The following PLXNA1 variants were observed in gnomAD, a reference collection of about 807,000 sequenced individuals.
PLXNA1 encodes plexin-A1.
Under a neutral mutation model 191.7 loss-of-function variants are expected in PLXNA1, and 77 were observed. That is an observed-to-expected ratio of 0.40 (90% CI 0.33 to 0.49). The LOEUF (loss-of-function observed/expected upper bound fraction) is 0.49, where lower values mean the gene tolerates loss of function less well. Among genes scored for constraint, PLXNA1 ranks in the 20% least tolerant of loss-of-function variants. PLXNA1 has a pLI of 0.63. For missense variants in PLXNA1, 2,110 were observed against 2,660.2 expected (o/e 0.79, Z 4.55); for synonymous variants, 1,137 against 1,156.4 (o/e 0.98, Z 0.34).
At chr3:126,987,094 A>G (rs1052191485) in intron 1 of PLXNA1, among the ~76,000 whole-genome samples, 2 of 152,222 alleles carry the variant, frequency 1.3e-5, no homozygotes, top group African/African-American at 4.8e-5. Context: ...AGGGGGTGGC[A>G]CTGCTGACTA....
intron 7 of PLXNA1, among the ~76,000 whole-genome samples, chr3:127,005,803 T>C (rs2079065636): frequency 1.3e-5 from 2 of 152,044 alleles, no homozygotes; most frequent in African/African-American, 4.8e-5. Flanking sequence ...CCACAGCCCG[T>C]TGGACAGTCG....
chr3:126,988,669 G>T lies in PLXNA1; in HGVS notation c.76G>T (p.Ala26Ser). Residue 26 changes from alanine to serine, a missense_variant, in exon 2 of 32, where the codon GCT (alanine) becomes TCT (serine). Transcript: ENST00000393409. ...LLLLLLPGMW[A>S]EAGLPRAGGG... is the part of the protein sequence containing the mutation. ...GCTGCTGCTGCTGCCGGGCATGTGG[G>T]CTGAGGCAGGCTTGCCCAGGGCAGG... is the stretch of plus-strand genomic sequence containing the variant. 6.3e-7 allele frequency: 1 copy of T among 1,578,936 alleles called. No individual in the cohort carries two copies. The highest frequency in any genetic ancestry group is 1.8e-5 in the Admixed American group (1 of 56,988).
At position 127,016,978 on chromosome 3, in the gene PLXNA1, C is replaced by T. The variant is rs1171349761; in HGVS notation, c.3217C>T (p.Leu1073=). Residue 1073 remains leucine, a synonymous_variant, in exon 17 of 32, where the codon CTG becomes TTG. Transcript: ENST00000393409. ...CCTCCTGACGGTCACAGGCACCAAC[C>T]TGGCCACTGTCCGTGAACCCCGAAT... ...GTLLTVTGTN[L]ATVREPRIRA... The T allele has an allele frequency of 1.2e-6, 2 of 1,613,360 alleles. No homozygotes were observed. Among genetic ancestry groups the T allele is most frequent in the Non-Finnish European group, 1.7e-6 (2 of 1,179,962 alleles).
At chr3:127,009,649 G>A (rs111621752) in intron 9 of PLXNA1, among the ~76,000 whole-genome samples, 2,509 of 148,224 alleles carry the variant, frequency 0.017, 73 homozygotes, top group African/African-American at 0.058. Context: ...TCAGCTTCCT[G>A]CTGAGACAGC....
chr3:127,014,156 C>G lies in PLXNA1; in HGVS notation c.2411-26C>G, dbSNP rs373187651. 3.2e-5 allele frequency: 52 copies of G among 1,612,264 alleles called. No individual in the cohort carries two copies. The African/African-American group carries it at 5.9e-4, about 18-fold the overall frequency. Reference sequence around the variant, plus strand: ...CGGCGGGGTGGGCAGTGGGCGGGCCCGAGCTGACCGCACCCCTCCCCACAG... The same window carrying G: ...CGGCGGGGTGGGCAGTGGGCGGGCCGGAGCTGACCGCACCCCTCCCCACAG... On this transcript the variant is annotated intron_variant, in intron 11 of 31. Transcript: ENST00000393409.
intron 3 of PLXNA1, among the ~76,000 whole-genome samples, chr3:127,002,366 A>G (rs1189588703): frequency 6.6e-6 from 1 of 152,214 alleles, no homozygotes; most frequent in Non-Finnish European, 1.5e-5. Context: ...TGGCTCAGAA[A>G]CACAGCGCCC....
chr3:126,998,522 G>A (rs1354413155), intron 3 of PLXNA1, among the ~76,000 whole-genome samples: 1 of 152,202 alleles, frequency 6.6e-6, no homozygotes, highest in African/African-American at 2.4e-5. Flanking sequence ...TGACTGAGGT[G>A]GTGCAGTCTA....
Position 127,034,131 on chromosome 3 carries a change from C to G in PLXNA1, c.*114C>G, listed in dbSNP as rs1160053565. 2.1e-6 allele frequency: 2 copies of G among 942,932 alleles called. No homozygotes were observed. The highest frequency in any genetic ancestry group is 2.6e-5 in the Admixed American group (1 of 39,146). The allele number at this position is 942,932 out of a possible 1,614,324, so 58.4% of individuals were successfully genotyped here. A position where few individuals can be genotyped will look rare whatever the true frequency, so the allele number is the denominator to read the frequency against. On this transcript the variant is annotated 3_prime_UTR_variant, in exon 32 of 32. Coordinates refer to ENST00000393409, the MANE Select transcript of PLXNA1 (RefSeq NM_032242.4). ...CGGTGGTGCTCGGGCCGCCGCAGTG[C>G]AGCGACTGCCCGGCCCTCCCTCCCC... is the stretch of plus-strand genomic sequence containing the variant.
chr3:127,022,414 G>C, intron 22 of PLXNA1, 73 bp downstream of exon 22: 1 of 1,544,078 alleles, frequency 6.5e-7, no homozygotes, highest in African/African-American at 1.4e-5. Flanking sequence ...GGTCTAGCAG[G>C]CCCAGAGACG....
Position 126,988,821 on chromosome 3 carries a change from G to T in PLXNA1, c.228G>T (p.Gly76=). 1.9e-6 allele frequency: 3 copies of T among 1,613,404 alleles called. No individual in the cohort carries two copies. The highest frequency in any genetic ancestry group is 2.5e-6 in the Non-Finnish European group (3 of 1,179,940). The change falls in exon 2 of 32, where the codon GGG becomes GGT. Residue 76 remains glycine (G), a synonymous_variant. Transcript: ENST00000393409. ...GAVNRIYKLS[G]NLTLLRAHVT... ...TGAACCGCATCTATAAGCTGTCGGGGAACCTGACACTGCTGCGGGCCCACG... is the reference window on the plus strand; with the variant it reads ...TGAACCGCATCTATAAGCTGTCGGGTAACCTGACACTGCTGCGGGCCCACG...
rs529602171 is a variant in PLXNA1, at chr3:127,006,178, C to A, written c.1997C>A (p.Ser666Tyr). The A allele has an allele frequency of 6.2e-6, 10 of 1,612,052 alleles. No individual in the cohort carries two copies. Among genetic ancestry groups the A allele is most frequent in the Admixed American group, 5.0e-5 (3 of 60,014 alleles). The change falls in exon 8 of 32, where the codon TCC (serine) becomes TAC (tyrosine). Residue 666 changes from serine to tyrosine, a missense_variant and splice_region_variant. Physicochemically the swap from Ser to Tyr is moderately radical, Grantham distance 144. Around this residue, in one of 4 missense-constraint regions of PLXNA1, gnomAD observed 903 missense variants for 1,015.7 expected, o/e 0.89. Coordinates refer to ENST00000393409, the MANE Select transcript of PLXNA1 (RefSeq NM_032242.4). ...TTCTACAACTGCAGCGTCCACCAGT[C>A]GTGAGTGTCTCTAGGCCCCTCCGCC... ...FVFYNCSVHQ[S>Y]CLSCVNGSFP...
chr3:127,033,861 G>A, intron 31 of PLXNA1, 61 bp from the exon 32 acceptor site: 1 of 1,424,218 alleles, frequency 7.0e-7, no homozygotes, highest in Non-Finnish European at 9.6e-7. Context: ...ATCTGCCCTG[G>A]GCCTGCTGAG....
At position 127,029,475 on chromosome 3, in the gene PLXNA1, G is replaced by A. The variant is rs199503214; in HGVS notation, c.4809G>A (p.Lys1603=). The change falls in exon 27 of 32, where the codon AAG becomes AAA. Residue 1603 remains lysine, a synonymous_variant. Transcript: ENST00000393409. ...GGTCCTCGGTGGCACTGGTGCCCAA[G>A]CAGACGTCCGCCTACAACATCTCCA... ...TDGSSVALVP[K]QTSAYNISNS... 357 of 1,613,838 alleles carry A rather than the reference G, an allele frequency of 2.2e-4. 1 individual carries two copies. Among genetic ancestry groups the A allele is most frequent in the Middle Eastern group, 8.2e-4 (5 of 6,082 alleles).
intron 11 of PLXNA1, 28 bp downstream of exon 11, chr3:127,014,144 A>G (rs369732106): frequency 2.5e-4 from 396 of 1,613,040 alleles, no homozygotes; most frequent in Non-Finnish European, 2.9e-4. Flanking sequence ...CGGGGTGGGC[A>G]GTGGGCGGGC....
intron 4 of PLXNA1, among the ~76,000 whole-genome samples, chr3:127,004,081 C>T (rs574716413): frequency 6.6e-5 from 10 of 152,238 alleles, no homozygotes; most frequent in Non-Finnish European, 1.2e-4. Flanking sequence ...GGCCAAGCCT[C>T]CCTCCCCTTC....
In PLXNA1 at chr3:126,991,494, C is replaced by T. The variant is rs116342901; in HGVS notation, c.1305C>T (p.Thr435=). Residue 435 remains threonine (T), a synonymous_variant, in exon 3 of 32, where the codon ACC becomes ACT. Transcript: ENST00000393409. The stretch of plus-strand genomic sequence containing the variant: ...TCGTGGACAAGGATGATGGCCTGAC[C>T]GCCGTGGCTGCCTATGACTATCGGG... ...PLFVDKDDGL[T]AVAAYDYRGR... is the part of the protein sequence containing the mutation. The T allele has an allele frequency of 0.012, 19,109 of 1,612,406 alleles. 158 individuals are homozygous for T. Among genetic ancestry groups the T allele is most frequent in the Non-Finnish European group, 0.014 (16,501 of 1,179,592 alleles).
At chr3:127,015,126 C>T in intron 14 of PLXNA1, 58 bp from the exon 15 acceptor site, 6 of 1,569,952 alleles carry the variant, frequency 3.8e-6, no homozygotes, top group South Asian at 1.2e-5. Context: ...GGGGCCTGTC[C>T]CCATGTGGCC....
chr3:127,021,746 A>G (rs1430961793), intron 21 of PLXNA1, among the ~76,000 whole-genome samples: 2 of 152,196 alleles, frequency 1.3e-5, no homozygotes, highest in African/African-American at 4.8e-5. Context: ...TGGCGTGAGC[A>G]GCCCCTCTCA....
At position 127,005,178 on chromosome 3, in the gene PLXNA1, A is replaced by T; in HGVS notation, c.1832A>T (p.Glu611Val). Residue 611 changes from glutamate to valine, a missense_variant, in exon 7 of 32, where the codon GAG becomes GTG. Around this residue, in one of 4 missense-constraint regions of PLXNA1, gnomAD observed 903 missense variants for 1,015.7 expected, o/e 0.89. Transcript: ENST00000393409. ...TTCACGGAATCTGAGAGCGTCCTGG[A>T]GGATGGCCGGATCCACTGCCGCTCA... Reference protein sequence around the residue: ...EDFTESESVLEDGRIHCRSPS... With the variant: ...EDFTESESVLVDGRIHCRSPS... 2 of 1,612,472 alleles carry T rather than the reference A, an allele frequency of 1.2e-6. No individual in the cohort carries two copies. Among genetic ancestry groups the T allele is most frequent in the South Asian group, 1.1e-5 (1 of 91,002 alleles).
Sources: allele counts gnomAD v4.1 joint callset (sites outside exome capture counted in the v4.1 genomes callset), GRCh38; gene constraint gnomAD v4.1.1; regional missense constraint gnomAD v4.1.1; transcripts MANE v1.5; gene names NCBI Gene and HGNC (gene_info 2026-07-23, HGNC 2026-07-21).